MPDZ: variants seen among roughly 807,000 people sequenced by gnomAD.
MPDZ encodes the protein multiple PDZ domain protein.
In MPDZ, 234 loss-of-function variants were observed where a neutral mutation model predicts 239.1. That is an observed-to-expected ratio of 0.98 (90% confidence interval 0.88 to 1.09). The LOEUF (loss-of-function observed/expected upper bound fraction) is 1.09, where lower values mean the gene tolerates loss of function less well. Ranked by LOEUF, MPDZ falls within the 50% of genes least tolerant of loss-of-function variation. MPDZ has a pLI of 0.00. For missense variants in MPDZ, 3,175 were observed against 2,510.0 expected (o/e 1.26, Z -5.66); for synonymous variants, 1,048 against 881.3 (o/e 1.19, Z -3.35).
In MPDZ at chr9:13,221,592, TA is replaced by T. The variant is rs1959101218; in HGVS notation, c.748-93del. 3.8e-6 allele frequency: 5 copies of T among 1,317,830 alleles called. No homozygotes were observed. In the East Asian group the frequency reaches 1.0e-4, roughly 27 times the overall value. The allele number at this position is 1,317,830 out of a possible 1,614,324, so 81.6% of individuals were successfully genotyped here. The stretch of plus-strand genomic sequence containing the variant: ...GAAATTTTTGCGATTATTTTGTTAA[TA>T]TTAAATAATTAAATTCAGACATAAT... On this transcript the variant is annotated intron_variant, in intron 6 of 46. Transcript: ENST00000319217.
chr9:13,139,571 C>T (rs1343198711), intron 28 of MPDZ, among the ~76,000 whole-genome samples: 2 of 152,140 alleles, frequency 1.3e-5, no homozygotes, highest in African/African-American at 4.8e-5. Context: ...CACAATTATA[C>T]TATGTCACCA....
In MPDZ at chr9:13,158,167, T is replaced by C. The variant is rs942059394; in HGVS notation, c.3360-57A>G. 3.0e-6 allele frequency: 4 copies of C among 1,317,616 alleles called. No individual in the cohort carries two copies. In the African/African-American group the frequency reaches 4.3e-5, roughly 14 times the overall value. 81.6% of individuals were successfully genotyped at this position (1,317,616 alleles called of 1,614,324 possible). A position where few individuals can be genotyped will look rare whatever the true frequency, so the allele number is the denominator to read the frequency against. On this transcript the variant is annotated intron_variant, in intron 23 of 46. Coordinates refer to ENST00000319217, the MANE Select transcript of MPDZ (RefSeq NM_001378778.1). ...AAATCCTAGTAAAAACATGCAAGAT[T>C]ATATGTACTCTACTATTGATTTAGC... is the stretch of plus-strand genomic sequence containing the variant.
At chr9:13,142,764 T>C (rs1280058197) in intron 27 of MPDZ, among the ~76,000 whole-genome samples, 2 of 152,142 alleles carry the variant, frequency 1.3e-5, no homozygotes, top group African/African-American at 2.4e-5. Context: ...ATCAATAACA[T>C]GGTATTTGTT....
intron 17 of MPDZ, among the ~76,000 whole-genome samples, chr9:13,188,141 C>T (rs538982376): frequency 6.6e-6 from 1 of 152,066 alleles, no homozygotes; most frequent in South Asian, 2.1e-4. Context: ...TTTTTAACAC[C>T]CCATTACATT....
intron 44 of MPDZ, 36 bp from the exon 45 acceptor site, chr9:13,110,100 T>C: frequency 6.7e-7 from 1 of 1,500,852 alleles, no homozygotes; most frequent in Non-Finnish European, 9.1e-7. Flanking sequence ...AAAAAACACA[T>C]GTTCCTGTGG....
At chr9:13,243,128 T>A (rs896608641) in intron 3 of MPDZ, among the ~76,000 whole-genome samples, 3 of 152,334 alleles carry the variant, frequency 2.0e-5, no homozygotes, top group African/African-American at 7.2e-5. Flanking sequence ...AGTTACTCAT[T>A]CCTTCTTTAC....
At chr9:13,277,100 T>C (rs980988808) in intron 1 of MPDZ, among the ~76,000 whole-genome samples, 1 of 152,212 alleles carries the variant, frequency 6.6e-6, no homozygotes, top group African/African-American at 2.4e-5. Context: ...TAGGTACATT[T>C]AAATGCATCT....
chr9:13,146,732 A>G (rs1056727458), intron 26 of MPDZ, among the ~76,000 whole-genome samples: 2 of 152,026 alleles, frequency 1.3e-5, no homozygotes, highest in African/African-American at 4.8e-5. Context: ...AAAATACTTA[A>G]TAACTGCTGC....
chr9:13,123,078 G>A (rs751269542), intron 36 of MPDZ, 75 bp downstream of exon 36: 3 of 1,432,752 alleles, frequency 2.1e-6, no homozygotes, highest in Non-Finnish European at 2.8e-6. Context: ...AGAACTGATA[G>A]AAATCTCCCC....
intron 38 of MPDZ, chr9:13,120,285 G>A (rs184193697): frequency 3.3e-5 from 5 of 151,290 alleles, no homozygotes; most frequent in Admixed American, 3.3e-4. Flanking sequence ...AAGATACGAA[G>A]ATAACCATAA....
chr9:13,254,535 A>C (rs1293860268), intron 1 of MPDZ, among the ~76,000 whole-genome samples: 1 of 152,166 alleles, frequency 6.6e-6, no homozygotes, highest in African/African-American at 2.4e-5. Context: ...TTGTAAATTA[A>C]ACTTTATCAT....
chr9:13,205,949 C>G lies in MPDZ; in HGVS notation c.1441G>C (p.Asp481His), dbSNP rs374433062. ...MSREDVTKDA[D>H]LSPVNASIIK... ...ATGCTGGCATTAACAGGAGACAAATCTGCATCTTTTGTGACGTCTTCCCTT... is the reference window on the plus strand; with the variant it reads ...ATGCTGGCATTAACAGGAGACAAATGTGCATCTTTTGTGACGTCTTCCCTT... Residue 481 changes from aspartate (D) to histidine (H), a missense_variant, in exon 11 of 47, where the codon GAT (aspartate) becomes CAT (histidine). Coordinates refer to ENST00000319217, the MANE Select transcript of MPDZ (RefSeq NM_001378778.1). The G allele has an allele frequency of 7.5e-6, 12 of 1,607,474 alleles. No individual in the cohort carries two copies. Among genetic ancestry groups the G allele is most frequent in the African/African-American group, 1.3e-5 (1 of 74,708 alleles).
chr9:13,154,671 T>C (rs894253363), intron 24 of MPDZ, among the ~76,000 whole-genome samples: 1 of 152,236 alleles, frequency 6.6e-6, no homozygotes, highest in Admixed American at 6.5e-5. Flanking sequence ...GTGGTGGTTG[T>C]GGTGGTGATG....
chr9:13,232,591 T>C (rs1010894387), intron 3 of MPDZ, among the ~76,000 whole-genome samples: 3 of 151,588 alleles, frequency 2.0e-5, no homozygotes, highest in East Asian at 3.9e-4. Context: ...CTCTGTATTT[T>C]AGAAGTAGCC....
intron 24 of MPDZ, among the ~76,000 whole-genome samples, chr9:13,156,651 GGGT>G (rs1647390873): frequency 6.6e-6 from 1 of 152,154 alleles, no homozygotes; most frequent in Non-Finnish European, 1.5e-5. Flanking sequence ...GATGAGATTT[GGGT>G]GGGGACACAG....
chr9:13,208,554 A>T lies in MPDZ; in HGVS notation c.1291-2455T>A, dbSNP rs144538536. On this transcript the variant is annotated intron_variant, in intron 10 of 46. Coordinates refer to ENST00000319217, the MANE Select transcript of MPDZ (RefSeq NM_001378778.1). ...AGAATATAATAAAACCTCTAAATAA[A>T]CATTTTAAAAACTCATTTGCTTTGT... Among the ~76,000 whole-genome samples, 137 of 151,736 alleles carry T rather than the reference A, an allele frequency of 9.0e-4. 1 individual carries two copies. The highest frequency in any genetic ancestry group is 1.0e-3 in the Non-Finnish European group (68 of 67,916).
rs1321478797 is a variant in MPDZ at position 13,192,113 on chromosome 9, T to G, written c.1968+18A>C. 9 of 1,566,908 alleles carry G rather than the reference T, an allele frequency of 5.7e-6. No individual in the cohort carries two copies. In the African/African-American group the frequency reaches 1.2e-4, roughly 21 times the overall value. On this transcript the variant is annotated intron_variant, in intron 15 of 46. Coordinates refer to ENST00000319217, the MANE Select transcript of MPDZ (RefSeq NM_001378778.1). ...CCATTATATATGTAGGTTAGCCTCA[T>G]GTATGCAAATCTGATACCTTTTCTG...
At chr9:13,270,440 C>G (rs1201124986) in intron 1 of MPDZ, among the ~76,000 whole-genome samples, 1 of 151,988 alleles carries the variant, frequency 6.6e-6, no homozygotes, top group African/African-American at 2.4e-5. Context: ...CTGTGTTGAC[C>G]AACACAGTAG....
intron 12 of MPDZ, among the ~76,000 whole-genome samples, chr9:13,197,274 G>T (rs1359156803): frequency 6.6e-6 from 1 of 151,810 alleles, no homozygotes; most frequent in African/African-American, 2.4e-5. Context: ...CTAGATAGAA[G>T]AAATATGTTC....
Sources: gnomAD v4.1 joint callset for allele counts (sites outside exome capture counted in the v4.1 genomes callset) on GRCh38, gnomAD v4.1.1 for gene constraint, MANE v1.5 for transcripts, NCBI Gene and HGNC (gene_info 2026-07-23, HGNC 2026-07-21) for gene names.